The following YAP1 variants were observed in gnomAD, a reference collection of about 807,000 sequenced individuals.
The protein encoded by YAP1 is Yes1 associated transcriptional regulator.
Under a neutral mutation model 56.9 loss-of-function variants are expected in YAP1, and 5 were observed. That is an observed-to-expected ratio of 0.09 (90% CI 0.05 to 0.18). The LOEUF (loss-of-function observed/expected upper bound fraction) is 0.18, where lower values mean the gene tolerates loss of function less well. Ranked by LOEUF, YAP1 falls within the 10% of genes least tolerant of loss-of-function variation. The pLI is 1.00. For synonymous variants in YAP1, 265 were observed against 248.1 expected (o/e 1.07, Z -0.64); for missense variants, 539 against 651.8 (o/e 0.83, Z 1.88).
rs1232742611 is a variant in YAP1 at position 102,186,119 on chromosome 11, G to A, written c.790G>A (p.Asp264Asn). The A allele has an allele frequency of 1.2e-6, 2 of 1,611,290 alleles. No individual in the cohort carries two copies. Among genetic ancestry groups the A allele is most frequent in the Non-Finnish European group, 8.5e-7 (1 of 1,179,034 alleles). The change falls in exon 4 of 9, where the codon GAC becomes AAC. Residue 264 changes from aspartate to asparagine, a missense_variant. Around this residue, in one of 4 missense-constraint regions of YAP1, gnomAD observed 414 missense variants for 512.4 expected, o/e 0.81. Coordinates refer to ENST00000282441, the MANE Select transcript of YAP1 (RefSeq NM_001130145.3). ...KTTSWLDPRLDPRFAMNQRIS... is the reference protein window; with the variant it reads ...KTTSWLDPRLNPRFAMNQRIS... ...CACCTCTTGGCTAGACCCAAGGCTT[G>A]ACCCTCGTTTTGGTAAAGGTTCATC...
In YAP1 at chr11:102,116,200, G is replaced by A. The variant is rs1311643640; in HGVS notation, c.572+1806G>A. Among the ~76,000 whole-genome samples, 5 of 152,240 alleles carry A rather than the reference G, an allele frequency of 3.3e-5. No individual in the cohort carries two copies. The East Asian group carries it at 7.7e-4, about 23-fold the overall frequency. ...ACAAATTACATCTGTATTGACTAAT[G>A]TACAAACTTTTTTCCTTGTCATTAT... On this transcript the variant is annotated intron_variant, in intron 2 of 8. Transcript: ENST00000282441.
At chr11:102,186,654 C>T (rs1044962183) in intron 4 of YAP1, 1 of 152,168 alleles carries the variant, frequency 6.6e-6, no homozygotes, top group Non-Finnish European at 1.5e-5. Flanking sequence ...CTGTCTCTCT[C>T]GAAAAATAAA....
Position 102,184,739 on chromosome 11 carries a change from A to G in YAP1, c.689-1279A>G, listed in dbSNP as rs371320404. Among the ~76,000 whole-genome samples, 8 of 152,328 alleles carry G rather than the reference A, an allele frequency of 5.3e-5. No individual in the cohort carries two copies. In the East Asian group the frequency reaches 1.4e-3, roughly 26 times the overall value. ...GGTGTGGACTGCCAATACAGGAAGA[A>G]GGGAATTGTTCTATTTGTGCATAGG... On this transcript the variant is annotated intron_variant, in intron 3 of 8. Coordinates refer to ENST00000282441, the MANE Select transcript of YAP1 (RefSeq NM_001130145.3).
At chr11:102,204,359 A>G (rs1041470258) in intron 4 of YAP1, among the ~76,000 whole-genome samples, 1 of 152,110 alleles carries the variant, frequency 6.6e-6, no homozygotes, top group African/African-American at 2.4e-5. Context: ...TTTTCAGCGC[A>G]CACTTTGTGC....
At chr11:102,136,340 A>AT (rs1319599304) in intron 2 of YAP1, among the ~76,000 whole-genome samples, 6 of 141,352 alleles carry the variant, frequency 4.2e-5, no homozygotes, top group Admixed American at 2.8e-4. Flanking sequence ...ACAGGGAGCC[A>AT]TTTTTCCTTT....
chr11:102,124,346 T>A (rs1161373178), intron 2 of YAP1, among the ~76,000 whole-genome samples: 1 of 152,198 alleles, frequency 6.6e-6, no homozygotes, highest in Non-Finnish European at 1.5e-5. Flanking sequence ...GTCTGAAATT[T>A]CATGATGTCT....
At chr11:102,129,393 G>C (rs1323121489) in intron 2 of YAP1, among the ~76,000 whole-genome samples, 1 of 151,952 alleles carries the variant, frequency 6.6e-6, no homozygotes, top group Non-Finnish European at 1.5e-5. Context: ...GGCTGAGGTG[G>C]GTGGATCACG....
chr11:102,134,507 T>C (rs1276189068), intron 2 of YAP1, among the ~76,000 whole-genome samples: 3 of 147,882 alleles, frequency 2.0e-5, no homozygotes, highest in African/African-American at 7.4e-5. Flanking sequence ...ATGTATAATA[T>C]ATATATTAAA....
intron 2 of YAP1, among the ~76,000 whole-genome samples, chr11:102,147,049 A>G (rs1008734434): frequency 2.0e-5 from 3 of 152,212 alleles, no homozygotes; most frequent in Non-Finnish European, 2.9e-5. Context: ...GAGTCTTCAC[A>G]GTAACTCTGT....
chr11:102,164,952 C>T (rs750332936), intron 3 of YAP1, among the ~76,000 whole-genome samples: 3 of 152,118 alleles, frequency 2.0e-5, no homozygotes, highest in African/African-American at 4.8e-5. Context: ...GAACTCCCAA[C>T]CTCAGGTGAT....
chr11:102,177,675 CAAAAAAA>C (rs1022433513), intron 3 of YAP1, among the ~76,000 whole-genome samples: 3 of 55,022 alleles, frequency 5.5e-5, no homozygotes, highest in Non-Finnish European at 8.1e-5. Flanking sequence ...GACTCGGTCT[CAAAAAAA>C]AAAAAAAAAA....
chr11:102,206,454 A>G (rs1949125898), intron 5 of YAP1, among the ~76,000 whole-genome samples: 1 of 152,238 alleles, frequency 6.6e-6, no homozygotes, highest in African/African-American at 2.4e-5. Flanking sequence ...ATCCTTTATT[A>G]ATAACTTACG....
chr11:102,221,665 G>A (rs1949936187), intron 6 of YAP1, among the ~76,000 whole-genome samples: 1 of 151,902 alleles, frequency 6.6e-6, no homozygotes, highest in Non-Finnish European at 1.5e-5. Context: ...CAAGGCTGCA[G>A]TGAGCTATAA....
chr11:102,195,494 A>G (rs1471784873), intron 4 of YAP1, among the ~76,000 whole-genome samples: 3 of 152,144 alleles, frequency 2.0e-5, no homozygotes, highest in Non-Finnish European at 1.5e-5. Flanking sequence ...CCCCACCCAA[A>G]TCTCATCTTG....
chr11:102,223,581 T>G (rs1168211827), intron 6 of YAP1, 41 bp from the exon 7 acceptor site: 1 of 1,601,986 alleles, frequency 6.2e-7, no homozygotes, highest in Non-Finnish European at 8.5e-7. Context: ...TTAAATGTGT[T>G]AATCAGTAGA....
chr11:102,162,801 T>C (rs1295454758), intron 3 of YAP1, among the ~76,000 whole-genome samples: 1 of 152,194 alleles, frequency 6.6e-6, no homozygotes, highest in Non-Finnish European at 1.5e-5. Flanking sequence ...CAGTGGTTCT[T>C]TAAGATTTGG....
intron 2 of YAP1, among the ~76,000 whole-genome samples, chr11:102,139,053 G>GT (rs563534544): frequency 1.2e-3 from 179 of 145,314 alleles, no homozygotes; most frequent in Middle Eastern, 3.6e-3. Flanking sequence ...ATGAAAACAA[G>GT]TTTTTTTTTT....
intron 5 of YAP1, among the ~76,000 whole-genome samples, chr11:102,208,328 T>G (rs530140117): frequency 3.3e-5 from 5 of 152,352 alleles, no homozygotes; most frequent in African/African-American, 1.2e-4. Flanking sequence ...AATAATTGTC[T>G]TGCAATTTCC....
At chr11:102,166,575 G>A (rs893486001) in intron 3 of YAP1, among the ~76,000 whole-genome samples, 3 of 152,184 alleles carry the variant, frequency 2.0e-5, no homozygotes, top group Non-Finnish European at 4.4e-5. Flanking sequence ...ATGTAACAAA[G>A]CAGAAAATGG....
Sources: gnomAD v4.1 joint callset for allele counts (sites outside exome capture counted in the v4.1 genomes callset) on GRCh38, gnomAD v4.1.1 for gene constraint, gnomAD v4.1.1 regional missense constraint, MANE v1.5 for transcripts, NCBI Gene and HGNC (gene_info 2026-07-23, HGNC 2026-07-21) for gene names.